OSBPL10: variants seen among roughly 807,000 people sequenced by gnomAD.
OSBPL10 encodes oxysterol-binding protein-related protein 10.
In OSBPL10, 49 loss-of-function variants were observed where a neutral mutation model predicts 81.7. The ratio of observed to expected loss-of-function variants is 0.60; its 90% CI spans 0.48 to 0.76. The LOEUF is 0.76. Among genes scored for constraint, OSBPL10 ranks in the 30% least tolerant of loss-of-function variants. The probability of loss-of-function intolerance (pLI) is 0.00; values close to 1 mark genes in which losing one functional copy is unlikely to be tolerated. For missense variants in OSBPL10, 923 were observed against 987.8 expected, an observed-to-expected ratio of 0.93 and a Z score of 0.88; for synonymous variants, 419 against 383.6, an observed-to-expected ratio of 1.09 and a Z score of -1.08.
chr3:31,838,014 C>G (rs953126224), intron 3 of OSBPL10, among the ~76,000 whole-genome samples: 2 of 151,992 alleles, frequency 1.3e-5, no homozygotes, highest in South Asian at 4.1e-4. Flanking sequence ...AGCAACTCAA[C>G]AAATTTATTC....
chr3:31,788,834 T>C (rs987075737), intron 4 of OSBPL10, among the ~76,000 whole-genome samples: 28 of 152,004 alleles, frequency 1.8e-4, no homozygotes, highest in African/African-American at 5.8e-4. Flanking sequence ...AAACATTATA[T>C]AGACATTGTA....
intron 2 of OSBPL10, among the ~76,000 whole-genome samples, chr3:32,007,821 C>G (rs1041417533): frequency 6.6e-6 from 1 of 152,054 alleles, no homozygotes; most frequent in African/African-American, 2.4e-5. Flanking sequence ...ATTCTCCTGC[C>G]TCAGCCTCCC....
At chr3:31,809,661 G>C (rs1229331696) in intron 4 of OSBPL10, among the ~76,000 whole-genome samples, 1 of 152,146 alleles carries the variant, frequency 6.6e-6, no homozygotes, top group Non-Finnish European at 1.5e-5. Context: ...AGACACTAAA[G>C]TATATTCTAA....
intron 10 of OSBPL10, among the ~76,000 whole-genome samples, chr3:31,666,259 C>G (rs1246551476): frequency 6.6e-6 from 1 of 152,200 alleles, no homozygotes; most frequent in East Asian, 1.9e-4. Flanking sequence ...AGTTTCTGCT[C>G]AGACCAAGCT....
At chr3:31,934,411 T>C (rs1025033273) in intron 1 of OSBPL10, among the ~76,000 whole-genome samples, 2 of 26,784 alleles carry the variant, frequency 7.5e-5, no homozygotes, top group Non-Finnish European at 1.1e-4. Flanking sequence ...AAATTCATTC[T>C]TTTTTTTTTT....
intron 2 of OSBPL10, among the ~76,000 whole-genome samples, chr3:32,034,172 C>A (rs1559552696): frequency 2.0e-5 from 3 of 152,148 alleles, no homozygotes; most frequent in Non-Finnish European, 2.9e-5. Flanking sequence ...CAATTACCTC[C>A]ACCTGATCCC....
At chr3:31,861,745 G>A (rs903411296) in intron 3 of OSBPL10, among the ~76,000 whole-genome samples, 1 of 152,066 alleles carries the variant, frequency 6.6e-6, no homozygotes, top group Non-Finnish European at 1.5e-5. Context: ...CTCAACATGT[G>A]TCAGGAACTC....
chr3:31,969,907 C>A (rs1351503811), intron 1 of OSBPL10, among the ~76,000 whole-genome samples: 1 of 150,476 alleles, frequency 6.6e-6, no homozygotes, highest in African/African-American at 2.4e-5. Context: ...TTTGGAAAGG[C>A]CATGGAGAGA....
chr3:31,962,179 A>G (rs1698187262), intron 1 of OSBPL10, among the ~76,000 whole-genome samples: 1 of 150,962 alleles, frequency 6.6e-6, no homozygotes, highest in Non-Finnish European at 1.5e-5. Context: ...CTGGTCTTGA[A>G]CTCCTGACCT....
intron 2 of OSBPL10, among the ~76,000 whole-genome samples, chr3:32,038,410 T>C (rs1353099806): frequency 6.6e-6 from 1 of 152,100 alleles, no homozygotes; most frequent in African/African-American, 2.4e-5. Context: ...AATCTCCGGC[T>C]CCCGGGTTCA....
intron 4 of OSBPL10, among the ~76,000 whole-genome samples, chr3:31,805,755 C>T (rs771343056): frequency 3.3e-5 from 5 of 152,314 alleles, no homozygotes; most frequent in South Asian, 2.1e-4. Flanking sequence ...CTTCCTTTCA[C>T]AAAAGTATCT....
chr3:31,905,555 G>A (rs1696384563), intron 1 of OSBPL10, among the ~76,000 whole-genome samples: 1 of 151,642 alleles, frequency 6.6e-6, no homozygotes, highest in Non-Finnish European at 1.5e-5. Flanking sequence ...TCGCCATGTT[G>A]GCCAGGCTGC....
At chr3:31,810,944 A>C (rs985331531) in intron 4 of OSBPL10, among the ~76,000 whole-genome samples, 23 of 152,162 alleles carry the variant, frequency 1.5e-4, no homozygotes, top group African/African-American at 5.3e-4. Context: ...AGAGCAGAAA[A>C]TTAGAAACAC....
chr3:31,677,258 G>A lies in OSBPL10; in HGVS notation c.1727-6275C>T, dbSNP rs1216467181. Among the ~76,000 whole-genome samples, 4 of 152,294 alleles carry A rather than the reference G, an allele frequency of 2.6e-5. No homozygotes were observed. In the East Asian group the frequency reaches 5.8e-4, roughly 22 times the overall value. Reference sequence around the variant, plus strand: ...AGAACCTTCTGCTTCGAAGTTTGGAGATTCTTAGAAATAGTTTGTGTGAAA... The same window carrying A: ...AGAACCTTCTGCTTCGAAGTTTGGAAATTCTTAGAAATAGTTTGTGTGAAA... On this transcript the variant is annotated intron_variant, in intron 8 of 11. Transcript: ENST00000396556.
intron 4 of OSBPL10, among the ~76,000 whole-genome samples, chr3:31,757,559 T>C (rs914775025): frequency 2.0e-5 from 3 of 152,254 alleles, no homozygotes; most frequent in Non-Finnish European, 4.4e-5. Flanking sequence ...ACACACTTTG[T>C]CTGTGGTACT....
chr3:31,838,542 A>G (rs1246120024), intron 3 of OSBPL10, among the ~76,000 whole-genome samples: 1 of 146,712 alleles, frequency 6.8e-6, no homozygotes, highest in African/African-American at 2.5e-5. Flanking sequence ...AAAAAACCTC[A>G]TATATTGAAA....
rs1045350469 is a variant in OSBPL10, at chr3:31,989,909, A to G, written n.298+56582T>C. ...CAGAAGCGATACCTTGCATGCCATC[A>G]TAGATGTCACACTGGTGAGAAACCT... is the stretch of plus-strand genomic sequence containing the variant. On this transcript the variant is annotated intron_variant and non_coding_transcript_variant, in intron 2 of 3. Transcript: ENST00000479173. 2 of 1,614,214 alleles carry G rather than the reference A, an allele frequency of 1.2e-6. No homozygotes were observed. The highest frequency in any genetic ancestry group is 2.2e-5 in the East Asian group (1 of 44,872).
chr3:32,050,694 T>C (rs1699663173), intron 1 of OSBPL10, among the ~76,000 whole-genome samples: 1 of 149,684 alleles, frequency 6.7e-6, no homozygotes, highest in African/African-American at 2.5e-5. Context: ...GAAGTTTCGC[T>C]CTTGTTGCCC....
At chr3:31,789,882 G>A (rs915051852) in intron 4 of OSBPL10, among the ~76,000 whole-genome samples, 1 of 152,050 alleles carries the variant, frequency 6.6e-6, no homozygotes, top group Non-Finnish European at 1.5e-5. Context: ...GTATACATTT[G>A]CAACTCTTTT....
Sources: gnomAD v4.1 joint callset for allele counts (sites outside exome capture counted in the v4.1 genomes callset) on GRCh38, gnomAD v4.1.1 for gene constraint, MANE v1.5 for transcripts, NCBI Gene and HGNC (gene_info 2026-07-23, HGNC 2026-07-21) for gene names.